The following RNF169 variants were observed in gnomAD, a reference collection of about 807,000 sequenced individuals.
The protein encoded by RNF169 is E3 ubiquitin-protein ligase RNF169.
Under a neutral mutation model 53.9 loss-of-function variants are expected in RNF169, and 24 were observed. That is an observed-to-expected ratio of 0.45 (90% confidence interval 0.32 to 0.63). RNF169 has a LOEUF of 0.63. Ranked by LOEUF, RNF169 falls within the 20% of genes least tolerant of loss-of-function variation. The probability of loss-of-function intolerance (pLI) is 0.04; values close to 1 mark genes in which losing one functional copy is unlikely to be tolerated. For synonymous variants in RNF169, 396 were observed against 363.5 expected, an observed-to-expected ratio of 1.09 and a Z score of -1.02; for missense variants, 883 against 906.2, an observed-to-expected ratio of 0.97 and a Z score of 0.33.
intron 1 of RNF169, among the ~76,000 whole-genome samples, chr11:74,760,206 TC>T (rs2035058788): frequency 6.6e-6 from 1 of 151,742 alleles, no homozygotes. Context: ...TCTCTTTTTT[TC>T]TTTATTAGTC....
At chr11:74,792,061 G>C (rs1203859473) in intron 2 of RNF169, among the ~76,000 whole-genome samples, 1 of 152,250 alleles carries the variant, frequency 6.6e-6, no homozygotes, top group East Asian at 1.9e-4. Context: ...ACTGTGGCTA[G>C]TTACTATATA....
At chr11:74,754,768 C>T (rs2034955889) in intron 1 of RNF169, among the ~76,000 whole-genome samples, 1 of 152,034 alleles carries the variant, frequency 6.6e-6, no homozygotes. Flanking sequence ...TGCAGTGAGC[C>T]GAGATTGCGC....
intron 1 of RNF169, among the ~76,000 whole-genome samples, chr11:74,761,459 C>T (rs1417683623): frequency 6.7e-6 from 1 of 148,980 alleles, no homozygotes; most frequent in African/African-American, 2.5e-5. Context: ...CCGGTTGTTC[C>T]TTTCCATGTT....
chr11:74,816,853 G>A (rs960619557), intron 3 of RNF169, among the ~76,000 whole-genome samples: 8 of 152,206 alleles, frequency 5.3e-5, no homozygotes, highest in African/African-American at 1.9e-4. Context: ...GTATCAGGCT[G>A]AGGCATTTAG....
chr11:74,782,457 G>C (rs1423699580), intron 1 of RNF169, among the ~76,000 whole-genome samples: 1 of 152,170 alleles, frequency 6.6e-6, no homozygotes, highest in Non-Finnish European at 1.5e-5. Context: ...GATCTAGGTA[G>C]GCTGTGCTGT....
At chr11:74,802,285 A>T (rs1432901510) in intron 2 of RNF169, among the ~76,000 whole-genome samples, 1 of 152,240 alleles carries the variant, frequency 6.6e-6, no homozygotes, top group Non-Finnish European at 1.5e-5. Flanking sequence ...CAAAGCATGG[A>T]ACAGTCACCA....
intron 3 of RNF169, among the ~76,000 whole-genome samples, chr11:74,815,353 C>G (rs1178009079): frequency 1.3e-5 from 2 of 152,058 alleles, no homozygotes; most frequent in Non-Finnish European, 2.9e-5. Flanking sequence ...GTCAGGAGTT[C>G]AAGACCAGCC....
rs146301809 is a variant in RNF169, at chr11:74,794,024, G to A, written c.576+4325G>A. Among the ~76,000 whole-genome samples, 628 of 152,182 alleles carry A rather than the reference G, an allele frequency of 4.1e-3. 3 individuals are homozygous for A. Among genetic ancestry groups the A allele is most frequent in the African/African-American group, 0.014 (593 of 41,512 alleles). On this transcript the variant is annotated intron_variant, in intron 2 of 5. Transcript: ENST00000299563. ...TTCATTGGTTAATGAAATATTTATT[G>A]TGCCCCTAGTATGTGCTAGGCACTG...
intron 1 of RNF169, among the ~76,000 whole-genome samples, chr11:74,774,266 A>G (rs1011749545): frequency 6.6e-6 from 1 of 151,984 alleles, no homozygotes; most frequent in Non-Finnish European, 1.5e-5. Context: ...GGATCGCTTG[A>G]ACCCAGGAGG....
chr11:74,754,694 G>A (rs749942553), intron 1 of RNF169, among the ~76,000 whole-genome samples: 9 of 152,092 alleles, frequency 5.9e-5, no homozygotes, highest in African/African-American at 7.2e-5. Context: ...GGTGGTGCAC[G>A]CTTATAGTCC....
chr11:74,817,544 A>G (rs1211565312), intron 3 of RNF169, 52 bp from the exon 4 acceptor site: 10 of 1,110,902 alleles, frequency 9.0e-6, no homozygotes, highest in Non-Finnish European at 1.4e-5. Flanking sequence ...GCTAGAGTAG[A>G]TGCCTTGGGA....
chr11:74,795,941 TCGA>T (rs2035643276), intron 2 of RNF169, among the ~76,000 whole-genome samples: 1 of 152,230 alleles, frequency 6.6e-6, no homozygotes, highest in South Asian at 2.1e-4. Context: ...ACTTACTCTC[TCGA>T]CAACAGTATA....
intron 2 of RNF169, among the ~76,000 whole-genome samples, chr11:74,804,385 T>C (rs924642869): frequency 3.3e-5 from 5 of 152,226 alleles, no homozygotes; most frequent in Non-Finnish European, 7.3e-5. Flanking sequence ...ATGATACTCA[T>C]ACAAATGGAG....
At chr11:74,823,627 C>T (rs907448473) in intron 4 of RNF169, among the ~76,000 whole-genome samples, 2 of 150,970 alleles carry the variant, frequency 1.3e-5, no homozygotes, top group African/African-American at 2.4e-5. Flanking sequence ...GTTCCAGCTA[C>T]TCAGGAGGCT....
At chr11:74,756,936 A>T (rs964133564) in intron 1 of RNF169, among the ~76,000 whole-genome samples, 9 of 152,220 alleles carry the variant, frequency 5.9e-5, no homozygotes, top group Non-Finnish European at 1.3e-4. Context: ...TTTTAGCAAG[A>T]TGGCTAAAAC....
intron 5 of RNF169, 70 bp from the exon 6 acceptor site, chr11:74,835,476 A>T (rs2036238960): frequency 1.6e-6 from 2 of 1,215,714 alleles, no homozygotes; most frequent in African/African-American, 3.0e-5. Context: ...CTCCACCATC[A>T]TAAAGGAATG....
rs548360589 is a variant in RNF169 at position 74,780,869 on chromosome 11, G to A, written c.503-8757G>A. The stretch of plus-strand genomic sequence containing the variant: ...ATTAAGAGGCAAAAACGTCAGTGGT[G>A]CTTTCTTCATGAGACTGAGGATACA... On this transcript the variant is annotated intron_variant, in intron 1 of 5. Transcript: ENST00000299563. Among the ~76,000 whole-genome samples, 3 of 152,322 alleles carry A rather than the reference G, an allele frequency of 2.0e-5. No individual in the cohort carries two copies. In the East Asian group the frequency reaches 5.8e-4, roughly 29 times the overall value.
At chr11:74,823,783 G>T (rs549232828) in intron 4 of RNF169, among the ~76,000 whole-genome samples, 2 of 149,826 alleles carry the variant, frequency 1.3e-5, no homozygotes, top group African/African-American at 4.9e-5. Flanking sequence ...TGGAATCTTG[G>T]CATCTAAGGA....
rs1410976113 is a variant in RNF169 at position 74,839,290 on chromosome 11, C to T, written c.*2560C>T. 1.3e-5 allele frequency: 2 copies of T among 152,150 alleles called. No homozygotes were observed. Among genetic ancestry groups the T allele is most frequent in the Non-Finnish European group, 2.9e-5 (2 of 68,030 alleles). The allele number at this position is 152,150 out of a possible 1,614,324, so 9.4% of individuals were successfully genotyped here. A position where few individuals can be genotyped will look rare whatever the true frequency, so the allele number is the denominator to read the frequency against. On this transcript the variant is annotated 3_prime_UTR_variant, in exon 6 of 6. Coordinates refer to ENST00000299563, the MANE Select transcript of RNF169 (RefSeq NM_001098638.2). ...GGAGGGAGGAGGGTTGATCTTTAAT[C>T]AGGTTGGCTTTGGAGGAAGGAAAAA...
Sources: gnomAD v4.1 joint callset for allele counts (sites outside exome capture counted in the v4.1 genomes callset) on GRCh38, gnomAD v4.1.1 for gene constraint, MANE v1.5 for transcripts, NCBI Gene and HGNC (gene_info 2026-07-23, HGNC 2026-07-21) for gene names.